BAZ2B: variants seen among roughly 807,000 people sequenced by gnomAD.
BAZ2B encodes the protein bromodomain adjacent to zinc finger domain 2B, also known as bromodomain adjacent to zinc finger domain protein 2B.
Under a neutral mutation model 246.0 loss-of-function variants are expected in BAZ2B, and 91 were observed. The observed-to-expected ratio is 0.37, with a 90% CI of 0.31 to 0.44. The LOEUF (loss-of-function observed/expected upper bound fraction) is 0.44. Ranked by LOEUF, BAZ2B falls within the 20% of genes least tolerant of loss-of-function variation. The probability of loss-of-function intolerance (pLI) is 1.00; values close to 1 mark genes in which losing one functional copy is unlikely to be tolerated. For synonymous variants in BAZ2B, 855 were observed against 860.0 expected (o/e 0.99, Z 0.10); for missense variants, 2,332 against 2,533.7 (o/e 0.92, Z 1.71).
At chr2:159,675,718 T>C in the BAZ2B span, among the ~76,000 whole-genome samples, 5 of 152,142 alleles carry the variant, frequency 3.3e-5, no homozygotes, top group Non-Finnish European at 2.9e-5. Context: ...ATCCCAGCTT[T>C]TCTAAGTGAA....
intron 1 of BAZ2B, among the ~76,000 whole-genome samples, chr2:159,607,195 C>T (rs921925444): frequency 1.3e-5 from 2 of 152,044 alleles, no homozygotes; most frequent in African/African-American, 4.8e-5. Context: ...ACTGGCAGTC[C>T]AGCAGTCTGC....
intron 6 of BAZ2B, among the ~76,000 whole-genome samples, chr2:159,443,284 G>C (rs1489958055): frequency 6.6e-6 from 1 of 151,978 alleles, no homozygotes; most frequent in Non-Finnish European, 1.5e-5. Flanking sequence ...TTCTTAACAG[G>C]CTGTATATTT....
chr2:159,385,738 A>G (rs532220186), intron 22 of BAZ2B, among the ~76,000 whole-genome samples: 2 of 152,194 alleles, frequency 1.3e-5, no homozygotes, highest in South Asian at 4.2e-4. Flanking sequence ...AGGTTAAAAA[A>G]CAGTATTGTT....
intron 1 of BAZ2B, among the ~76,000 whole-genome samples, chr2:159,579,177 C>G (rs1686098679): frequency 6.6e-6 from 1 of 151,862 alleles, no homozygotes; most frequent in Admixed American, 6.6e-5. Flanking sequence ...AGATCGCTAG[C>G]AAGACTAATA....
At chr2:159,448,434 AC>A in intron 4 of BAZ2B, 25 bp from the exon 5 acceptor site, 1 of 1,521,516 alleles carries the variant, frequency 6.6e-7, no homozygotes, top group South Asian at 1.3e-5. Context: ...AACCAACCAA[AC>A]AAAAATATAT....
At position 159,400,619 on chromosome 2, in the gene BAZ2B, G is replaced by C; in HGVS notation, c.2878C>G (p.Arg960Gly). 1 of 1,574,544 alleles carries C rather than the reference G, an allele frequency of 6.4e-7. No homozygotes were observed. The highest frequency in any genetic ancestry group is 8.7e-7 in the Non-Finnish European group (1 of 1,151,240). ...IQQIRMEKEL[R>G]AQQILEAKKK... ...TCTACCTCTAGAATTTGCTGAGCTC[G>C]AAGTTCTTTTTCCATTCTGATTTGC... is the stretch of plus-strand genomic sequence containing the variant. The change falls in exon 17 of 37, where the codon CGA becomes GGA. Residue 960 changes from arginine (R) to glycine (G), a missense_variant. By Grantham distance (125) the Arg-to-Gly change is moderately radical. Coordinates refer to ENST00000392783, the MANE Select transcript of BAZ2B (RefSeq NM_013450.4).
intron 36 of BAZ2B, among the ~76,000 whole-genome samples, chr2:159,324,228 GA>G (rs1302974387): frequency 6.6e-6 from 1 of 152,054 alleles, no homozygotes; most frequent in Admixed American, 6.6e-5. Context: ...TTTATTCTTG[GA>G]ATAGGATTGC....
chr2:159,609,057 A>G (rs1694139407), intron 1 of BAZ2B, among the ~76,000 whole-genome samples: 1 of 152,222 alleles, frequency 6.6e-6, no homozygotes, highest in Admixed American at 6.5e-5. Context: ...GCTCCCTGTG[A>G]TTCCTAAAAG....
At chr2:159,445,099 T>A (rs1345673295) in intron 6 of BAZ2B, among the ~76,000 whole-genome samples, 1 of 152,204 alleles carries the variant, frequency 6.6e-6, no homozygotes, top group African/African-American at 2.4e-5. Context: ...TGTCACAGCT[T>A]CTGACATAAT....
chr2:159,320,487 TAA>T lies in BAZ2B; in HGVS notation c.6354-71_6354-70del, dbSNP rs2062582533. On this transcript the variant is annotated intron_variant, in intron 36 of 36. Coordinates refer to ENST00000392783, the MANE Select transcript of BAZ2B (RefSeq NM_013450.4). ...TTTGTTTTGTAAACAAATGAAGAGT[TAA>T]TAAAGGGTAAAAATGAAAGAAAAAT... is the stretch of plus-strand genomic sequence containing the variant. 3 of 1,307,838 alleles carry T rather than the reference TAA, an allele frequency of 2.3e-6. No homozygotes were observed. In the Admixed American group the frequency reaches 8.6e-5, roughly 37 times the overall value. 81.0% of individuals were successfully genotyped at this position (1,307,838 alleles called of 1,614,324 possible). A position where few individuals can be genotyped will look rare whatever the true frequency, so the allele number is the denominator to read the frequency against.
At chr2:159,693,312 T>A in the BAZ2B span, 1 of 152,196 alleles carries the variant, frequency 6.6e-6, no homozygotes. Flanking sequence ...CATCTGGGAC[T>A]GGTGCTTTTT....
At chr2:159,366,226 T>A (rs1407889156) in intron 27 of BAZ2B, among the ~76,000 whole-genome samples, 1 of 152,194 alleles carries the variant, frequency 6.6e-6, no homozygotes, top group East Asian at 1.9e-4. Flanking sequence ...CAAAGCAGCA[T>A]AAAACTCTCA....
intron 3 of BAZ2B, among the ~76,000 whole-genome samples, chr2:159,457,557 C>A (rs1476560467): frequency 6.6e-6 from 1 of 152,194 alleles, no homozygotes; most frequent in East Asian, 1.9e-4. Flanking sequence ...ATTTCCTCAA[C>A]CCCTGGTCCT....
At chr2:159,624,123 T>G in the BAZ2B span, among the ~76,000 whole-genome samples, 4 of 152,202 alleles carry the variant, frequency 2.6e-5, no homozygotes, top group Non-Finnish European at 5.9e-5. Flanking sequence ...GCAAGGCCTC[T>G]GTGGCCAGAC....
chr2:159,610,398 C>A (rs879478321), intron 1 of BAZ2B, among the ~76,000 whole-genome samples: 4 of 152,200 alleles, frequency 2.6e-5, no homozygotes, highest in Non-Finnish European at 4.4e-5. Context: ...GTACACCGTT[C>A]TTTACACCAA....
intron 9 of BAZ2B, 102 bp downstream of exon 9, chr2:159,432,655 T>C (rs2071356971): frequency 2.1e-6 from 3 of 1,436,948 alleles, no homozygotes; most frequent in Admixed American, 2.2e-5. Context: ...GTGTGAAACA[T>C]AGTAAATGAC....
chr2:159,371,491 C>A (rs991665723), intron 27 of BAZ2B, among the ~76,000 whole-genome samples: 3 of 152,202 alleles, frequency 2.0e-5, no homozygotes, highest in African/African-American at 7.2e-5. Flanking sequence ...TCTCTAATTT[C>A]CACTTTCCTA....
At chr2:159,693,466 C>T in the BAZ2B span, 2 of 150,070 alleles carry the variant, frequency 1.3e-5, no homozygotes, top group African/African-American at 4.9e-5. Flanking sequence ...ACCCTGCCTC[C>T]CAGGCTAAGC....
At chr2:159,535,321 A>G (rs1291295917) in intron 2 of BAZ2B, among the ~76,000 whole-genome samples, 1 of 152,214 alleles carries the variant, frequency 6.6e-6, no homozygotes, top group Admixed American at 6.5e-5. Context: ...CAGGAGTTCA[A>G]GACCAGCCTG....
Sources: allele counts gnomAD v4.1 joint callset (sites outside exome capture counted in the v4.1 genomes callset), GRCh38; gene constraint gnomAD v4.1.1; transcripts MANE v1.5; gene names NCBI Gene and HGNC (gene_info 2026-07-23, HGNC 2026-07-21).